Variants in ADAMTSL1 observed in about 807,000 individuals in gnomAD.
The protein encoded by ADAMTSL1 is ADAMTS-like protein 1.
Under a neutral mutation model 201.8 loss-of-function variants are expected in ADAMTSL1, and 126 were observed. The ratio of observed to expected loss-of-function variants is 0.62; its 90% CI spans 0.54 to 0.72. ADAMTSL1 has a LOEUF of 0.72. Among genes scored for constraint, ADAMTSL1 ranks in the 30% least tolerant of loss-of-function variants. The probability of loss-of-function intolerance (pLI) is 0.00; values close to 1 mark genes in which losing one functional copy is unlikely to be tolerated. For synonymous variants in ADAMTSL1, 1,121 were observed against 903.4 expected, an observed-to-expected ratio of 1.24 and a Z score of -4.32; for missense variants, 2,679 against 2,277.8, an observed-to-expected ratio of 1.18 and a Z score of -3.59.
chr9:18,735,800 G>A (rs1389320305), intron 15 of ADAMTSL1, among the ~76,000 whole-genome samples: 2 of 141,950 alleles, frequency 1.4e-5, no homozygotes, highest in Non-Finnish European at 3.0e-5. Flanking sequence ...GTCCAGGCTG[G>A]AATGCAGTGG....
intron 15 of ADAMTSL1, 136 bp from the exon 16 acceptor site, chr9:18,753,162 A>T (rs1202651219): frequency 3.8e-6 from 3 of 787,886 alleles, no homozygotes; most frequent in Non-Finnish European, 6.6e-6. Context: ...TAGGCTTAAG[A>T]TAGAGCTGCC....
chr9:18,719,007 C>T (rs1833154841), intron 14 of ADAMTSL1, among the ~76,000 whole-genome samples: 1 of 152,194 alleles, frequency 6.6e-6, no homozygotes, highest in Non-Finnish European at 1.5e-5. Context: ...AAGCTACATC[C>T]AGTGACTTCT....
At chr9:18,684,197 G>GTAGT (rs1390046180) in intron 12 of ADAMTSL1, among the ~76,000 whole-genome samples, 2 of 152,076 alleles carry the variant, frequency 1.3e-5, no homozygotes, top group Non-Finnish European at 2.9e-5. Context: ...GAGCCTTGGG[G>GTAGT]TAGTACTGAA....
At chr9:18,219,204 G>A (rs572164744) in intron 2 of ADAMTSL1, among the ~76,000 whole-genome samples, 1 of 151,804 alleles carries the variant, frequency 6.6e-6, no homozygotes, top group African/African-American at 2.4e-5. Flanking sequence ...ATTTGGATTA[G>A]AGTTTGCTTT....
chr9:18,844,014 T>G (rs1825914903), intron 23 of ADAMTSL1, among the ~76,000 whole-genome samples: 1 of 152,248 alleles, frequency 6.6e-6, no homozygotes, highest in Admixed American at 6.5e-5. Context: ...TTTGATCGTC[T>G]GAAGACTTCT....
chr9:18,016,005 A>T (rs1586899300), intron 1 of ADAMTSL1, among the ~76,000 whole-genome samples: 1 of 152,032 alleles, frequency 6.6e-6, no homozygotes, highest in African/African-American at 2.4e-5. Flanking sequence ...ATTATGGCAG[A>T]TCTAATCTTG....
intron 2 of ADAMTSL1, among the ~76,000 whole-genome samples, chr9:18,261,643 T>C (rs1831928707): frequency 6.6e-6 from 1 of 152,236 alleles, no homozygotes; most frequent in East Asian, 1.9e-4. Flanking sequence ...AACAGTGCTA[T>C]AGACCAAAGT....
chr9:18,863,944 A>G (rs1054420559), intron 23 of ADAMTSL1, among the ~76,000 whole-genome samples: 3 of 152,224 alleles, frequency 2.0e-5, no homozygotes, highest in Non-Finnish European at 4.4e-5. Flanking sequence ...TTTCATCCCG[A>G]CACACATCAT....
chr9:18,566,464 G>T (rs930473836), intron 3 of ADAMTSL1, among the ~76,000 whole-genome samples: 15 of 152,202 alleles, frequency 9.9e-5, no homozygotes, highest in African/African-American at 3.6e-4. Context: ...TAGGAAAAAG[G>T]AAAGTTGAGC....
intron 3 of ADAMTSL1, among the ~76,000 whole-genome samples, 175 bp downstream of exon 3, chr9:18,533,467 A>G (rs1290621317): frequency 6.6e-6 from 1 of 152,210 alleles, no homozygotes; most frequent in Non-Finnish European, 1.5e-5. Context: ...TCCTCATTAT[A>G]GACTTTTAAT....
intron 2 of ADAMTSL1, among the ~76,000 whole-genome samples, chr9:18,346,073 AC>A (rs1835700306): frequency 6.6e-6 from 1 of 151,940 alleles, no homozygotes; most frequent in Non-Finnish European, 1.5e-5. Flanking sequence ...CTTATCCCTG[AC>A]CCTGTATGCT....
intron 5 of ADAMTSL1, among the ~76,000 whole-genome samples, chr9:18,632,945 TCTC>T (rs959507481): frequency 6.6e-6 from 1 of 152,194 alleles, no homozygotes; most frequent in Non-Finnish European, 1.5e-5. Flanking sequence ...AGGAGGTTCT[TCTC>T]CTCTCTTTTT....
intron 2 of ADAMTSL1, among the ~76,000 whole-genome samples, chr9:18,365,436 G>A (rs1836725794): frequency 6.6e-6 from 1 of 152,132 alleles, no homozygotes; most frequent in African/African-American, 2.4e-5. Context: ...ACAAAATTCA[G>A]TATAGTAGAT....
chr9:18,664,378 G>T (rs1587837434), intron 9 of ADAMTSL1, among the ~76,000 whole-genome samples: 1 of 151,200 alleles, frequency 6.6e-6, no homozygotes, highest in East Asian at 1.9e-4. Flanking sequence ...AAACCCCCAG[G>T]AAGCTGTTTT....
chr9:18,275,219 C>A (rs6475208), intron 2 of ADAMTSL1, among the ~76,000 whole-genome samples: 2 of 152,094 alleles, frequency 1.3e-5, no homozygotes, highest in African/African-American at 4.8e-5. Context: ...TTAAAAGGAA[C>A]AAAATGAGGG....
intron 1 of ADAMTSL1, among the ~76,000 whole-genome samples, chr9:18,475,242 G>T (rs1821392317): frequency 6.6e-6 from 1 of 152,158 alleles, no homozygotes; most frequent in Non-Finnish European, 1.5e-5. Context: ...TCCTCAGAAG[G>T]TAACAAGGCA....
At chr9:18,292,152 T>C (rs1833298170) in intron 2 of ADAMTSL1, among the ~76,000 whole-genome samples, 1 of 152,052 alleles carries the variant, frequency 6.6e-6, no homozygotes, top group Non-Finnish European at 1.5e-5. Context: ...AATGGAAATA[T>C]CAATCCAAAG....
At chr9:18,082,798 G>A (rs1295346462) in intron 1 of ADAMTSL1, among the ~76,000 whole-genome samples, 1 of 152,172 alleles carries the variant, frequency 6.6e-6, no homozygotes, top group African/African-American at 2.4e-5. Context: ...GAAAGAAGAA[G>A]TAGAGAGTTT....
chr9:18,473,432 T>G (rs910667127), upstream of ADAMTSL1, among the ~76,000 whole-genome samples: 4 of 152,220 alleles, frequency 2.6e-5, no homozygotes, highest in African/African-American at 9.6e-5. Flanking sequence ...TTAGCAAATC[T>G]TAAATGCCTT....
Sources: allele counts gnomAD v4.1 joint callset (sites outside exome capture counted in the v4.1 genomes callset), GRCh38; gene constraint gnomAD v4.1.1; transcripts MANE v1.5; gene names NCBI Gene and HGNC (gene_info 2026-07-23, HGNC 2026-07-21).